Variants in PSMC3 observed in about 807,000 individuals in gnomAD.
The protein encoded by PSMC3 is proteasome 26S subunit, ATPase 3, also known as 26S proteasome regulatory subunit 6A.
Under a neutral mutation model 52.0 loss-of-function variants are expected in PSMC3, and 11 were observed. That is an observed-to-expected ratio of 0.21 (90% confidence interval 0.13 to 0.35). PSMC3 has a LOEUF of 0.35. PSMC3 is among the 10% of genes least tolerant of loss of function. The pLI is 1.00. For missense variants in PSMC3, 238 were observed against 567.1 expected, an observed-to-expected ratio of 0.42 and a Z score of 5.89; for synonymous variants, 201 against 218.8, an observed-to-expected ratio of 0.92 and a Z score of 0.72.
intron 10 of PSMC3, 140 bp downstream of exon 10, chr11:47,420,124 G>A (rs545567866): frequency 2.7e-5 from 27 of 983,430 alleles, no homozygotes; most frequent in Middle Eastern, 6.2e-4. Flanking sequence ...GGAGGCTGGC[G>A]TGTGGAACGG....
At position 47,424,833 on chromosome 11, in the gene PSMC3, CA is replaced by C; in HGVS notation, c.286-123del. 1.1e-6 allele frequency: 1 copy of C among 942,980 alleles called. No homozygotes were observed. The highest frequency in any genetic ancestry group is 1.5e-5 in the South Asian group (1 of 68,580). The allele number at this position is 942,980 out of a possible 1,614,324, so 58.4% of individuals were successfully genotyped here. ...CCTCCTCCAATAGCCCTGAGCCCAC[CA>C]AACGTGGGTGCCCCTGCTAAGCCCA... On this transcript the variant is annotated intron_variant, in intron 3 of 11. Coordinates refer to ENST00000298852, the MANE Select transcript of PSMC3 (RefSeq NM_002804.5). The surrounding 1 kb of genome is among the most constrained non-coding windows in gnomAD (Gnocchi z 4.8).
At chr11:47,423,565 T>A (rs1221997567) in intron 6 of PSMC3, among the ~76,000 whole-genome samples, 1 of 152,074 alleles carries the variant, frequency 6.6e-6, no homozygotes, top group Non-Finnish European at 1.5e-5. Context: ...GGCACGCGGA[T>A]CACCTGAGGT....
Position 47,424,271 on chromosome 11 carries a change from C to T in PSMC3, c.454-88G>A. 1.3e-6 allele frequency: 2 copies of T among 1,589,530 alleles called. No individual in the cohort carries two copies. Among genetic ancestry groups the T allele is most frequent in the Non-Finnish European group, 1.7e-6 (2 of 1,158,184 alleles). On this transcript the variant is annotated intron_variant, in intron 5 of 11. Coordinates refer to ENST00000298852, the MANE Select transcript of PSMC3 (RefSeq NM_002804.5). This position sits in a 1 kb window ranked among gnomAD's most constrained non-coding sequence, Gnocchi z 4.8. ...TGACAGGTGTCTGCAGAGGGAAAGA[C>T]ACAGGACTGGGCAATACAAGAATCA...
intron 2 of PSMC3, 87 bp from the exon 3 acceptor site, chr11:47,425,333 A>G: frequency 6.6e-7 from 1 of 1,519,532 alleles, no homozygotes; most frequent in Non-Finnish European, 9.1e-7. Context: ...CAGGGTGCCC[A>G]GGGGACCCTC....
intron 10 of PSMC3, 39 bp from the exon 11 acceptor site, chr11:47,419,236 G>A (rs2153303512): frequency 6.2e-7 from 1 of 1,607,834 alleles, no homozygotes; most frequent in Non-Finnish European, 8.5e-7. Flanking sequence ...AGTGGCTTAT[G>A]CGGAATGGGC....
At chr11:47,425,776 G>A in intron 2 of PSMC3, 91 bp downstream of exon 2, 2 of 1,126,608 alleles carry the variant, frequency 1.8e-6, no homozygotes, top group Non-Finnish European at 2.6e-6. Context: ...TCTCCCCCAG[G>A]GTGCCCGATT....
chr11:47,426,191 C>A lies in PSMC3; in HGVS notation c.75+14G>T. On this transcript the variant is annotated intron_variant, in intron 1 of 11. Coordinates refer to ENST00000298852, the MANE Select transcript of PSMC3 (RefSeq NM_002804.5). ...GGCCCCGGTTCCCGGACCGCCAGCT[C>A]GCCCGGTGCCCACCTCGGCCTCATC... is the stretch of plus-strand genomic sequence containing the variant. The A allele has an allele frequency of 1.8e-5, 28 of 1,555,096 alleles. No homozygotes were observed. Among genetic ancestry groups the A allele is most frequent in the Non-Finnish European group, 2.3e-5 (27 of 1,150,146 alleles).
At position 47,424,719 on chromosome 11, in the gene PSMC3, G is replaced by A. The variant is rs763375668; in HGVS notation, c.286-8C>T. 1 of 1,599,590 alleles carries A rather than the reference G, an allele frequency of 6.3e-7. No individual in the cohort carries two copies. Among genetic ancestry groups the A allele is most frequent in the Admixed American group, 1.7e-5 (1 of 59,880 alleles). ...AGGATCAACATCCAGGAGCTGGGAA[G>A]GAAAAAATACTCAGCTCCTTGAACT... On this transcript the variant is annotated splice_polypyrimidine_tract_variant and splice_region_variant and intron_variant, in intron 3 of 11. Coordinates refer to ENST00000298852, the MANE Select transcript of PSMC3 (RefSeq NM_002804.5). This position sits in a 1 kb window ranked among gnomAD's most constrained non-coding sequence, Gnocchi z 4.8.
At chr11:47,419,366 T>C (rs766963734) in intron 10 of PSMC3, among the ~76,000 whole-genome samples, 169 bp from the exon 11 acceptor site, 2 of 152,144 alleles carry the variant, frequency 1.3e-5, no homozygotes, top group African/African-American at 2.4e-5. Flanking sequence ...ATGTGGGGGA[T>C]GAAGGGAGGA....
At position 47,424,126 on chromosome 11, in the gene PSMC3, G is replaced by A. The variant is rs775517283; in HGVS notation, c.511C>T (p.Arg171Trp). 1 of 1,614,112 alleles carries A rather than the reference G, an allele frequency of 6.2e-7. No homozygotes were observed. The highest frequency in any genetic ancestry group is 8.5e-7 in the Non-Finnish European group (1 of 1,180,004). The change falls in exon 6 of 12, where the codon CGG (arginine) becomes TGG (tryptophan). Residue 171 changes from arginine (R) to tryptophan (W), a missense_variant. Arg to Trp is a moderately radical substitution (Grantham distance 101). This residue lies in a region of PSMC3 where 60 missense variants were observed against 117.3 expected (regional missense o/e 0.51). Coordinates refer to ENST00000298852, the MANE Select transcript of PSMC3 (RefSeq NM_002804.5). This position sits in a 1 kb window ranked among gnomAD's most constrained non-coding sequence, Gnocchi z 4.8. ...TCGTCTACCTCCATGGCCTTCACCC[G>A]CGAGTCATACTCTGTGGGCAGCGTC... ...LETLPTEYDSRVKAMEVDERP... is the reference protein window; with the variant it reads ...LETLPTEYDSWVKAMEVDERP...
At position 47,424,598 on chromosome 11, in the gene PSMC3, C is replaced by T; in HGVS notation, c.390+9G>A. Reference sequence around the variant, plus strand: ...CTCCTCCAGTCTCTCATTGCTGAGCCACGCTCACCTGTCGTGTAGAGGTTT... The same window carrying T: ...CTCCTCCAGTCTCTCATTGCTGAGCTACGCTCACCTGTCGTGTAGAGGTTT... On this transcript the variant is annotated intron_variant, in intron 4 of 11. Coordinates refer to ENST00000298852, the MANE Select transcript of PSMC3 (RefSeq NM_002804.5). This position sits in a 1 kb window ranked among gnomAD's most constrained non-coding sequence, Gnocchi z 4.8. The T allele has an allele frequency of 6.2e-7, 1 of 1,611,240 alleles. No individual in the cohort carries two copies.
chr11:47,419,494 G>C (rs1308350302), intron 10 of PSMC3, among the ~76,000 whole-genome samples: 1 of 152,190 alleles, frequency 6.6e-6, no homozygotes, highest in Non-Finnish European at 1.5e-5. Flanking sequence ...CACTGCGCTT[G>C]ACACTGTCAC....
chr11:47,425,817 G>A lies in PSMC3; in HGVS notation c.159+50C>T, dbSNP rs749766686. 3 of 1,526,792 alleles carry A rather than the reference G, an allele frequency of 2.0e-6. No homozygotes were observed. The East Asian group carries it at 6.9e-5, about 35-fold the overall frequency. 94.6% of individuals were successfully genotyped at this position (1,526,792 alleles called of 1,614,324 possible). A position where few individuals can be genotyped will look rare whatever the true frequency, so the allele number is the denominator to read the frequency against. ...GTACGAGAGGCGACTCGGATCGCCG[G>A]GGCCTGTCCTGTGGGGGCTCCATCG... On this transcript the variant is annotated intron_variant, in intron 2 of 11. Transcript: ENST00000298852.
Position 47,422,707 on chromosome 11 carries a change from G to A in PSMC3, c.751C>T (p.Leu251=), listed in dbSNP as rs1015649856. The change falls in exon 8 of 12, where the codon CTG becomes TTG. Residue 251 remains leucine, a synonymous_variant. Coordinates refer to ENST00000298852, the MANE Select transcript of PSMC3 (RefSeq NM_002804.5). This position sits in a 1 kb window ranked among gnomAD's most constrained non-coding sequence, Gnocchi z 4.3. ...AAQTKATFLK[L]AGPQLVQMFI... ...ATCTGCACCAGCTGGGGGCCAGCCA[G>A]CTTTAGGAAGGTGGCCTGGCAGGAA... 12 of 1,614,194 alleles carry A rather than the reference G, an allele frequency of 7.4e-6. No individual in the cohort carries two copies. The highest frequency in any genetic ancestry group is 1.6e-4 in the Middle Eastern group (1 of 6,062).
At position 47,422,513 on chromosome 11, in the gene PSMC3, G is replaced by T; in HGVS notation, c.884+61C>A. On this transcript the variant is annotated intron_variant, in intron 8 of 11. Coordinates refer to ENST00000298852, the MANE Select transcript of PSMC3 (RefSeq NM_002804.5). This position sits in a 1 kb window ranked among gnomAD's most constrained non-coding sequence, Gnocchi z 4.3. ...AGGAACCACAATTTAGCACAACTGA[G>T]AGTCAACCCGCTTCCCCTTACCGCC... is the stretch of plus-strand genomic sequence containing the variant. The T allele has an allele frequency of 6.3e-7, 1 of 1,592,560 alleles. No individual in the cohort carries two copies. The highest frequency in any genetic ancestry group is 1.1e-5 in the South Asian group (1 of 89,360).
At chr11:47,423,977 A>C in intron 6 of PSMC3, 69 bp downstream of exon 6, 1 of 1,604,662 alleles carries the variant, frequency 6.2e-7, no homozygotes, top group Non-Finnish European at 8.5e-7. Flanking sequence ...TAGGGAGATG[A>C]GCTGCATCAA....
chr11:47,419,229 G>T, intron 10 of PSMC3, 32 bp from the exon 11 acceptor site: 1 of 1,611,020 alleles, frequency 6.2e-7, no homozygotes, highest in Non-Finnish European at 8.5e-7. Flanking sequence ...CAGGCTCAGT[G>T]GCTTATGCGG....
At chr11:47,420,227 G>A (rs754520302) in intron 10 of PSMC3, 37 bp downstream of exon 10, 3 of 1,608,888 alleles carry the variant, frequency 1.9e-6, no homozygotes, top group Non-Finnish European at 2.6e-6. Context: ...TCCTGCGCCT[G>A]TTCAGGTCTC....
At chr11:47,425,350 C>T in intron 2 of PSMC3, 104 bp from the exon 3 acceptor site, 3 of 1,389,766 alleles carry the variant, frequency 2.2e-6, no homozygotes, top group Non-Finnish European at 3.0e-6. Context: ...CCTCCCGCAT[C>T]CATTCATCCA....
Sources: allele counts gnomAD v4.1 joint callset (sites outside exome capture counted in the v4.1 genomes callset), GRCh38; gene constraint gnomAD v4.1.1; regional missense constraint gnomAD v4.1.1; non-coding constraint Gnocchi (gnomAD v3.1); transcripts MANE v1.5; gene names NCBI Gene and HGNC (gene_info 2026-07-23, HGNC 2026-07-21).